MTUS2: variants seen among roughly 807,000 people sequenced by gnomAD.
The protein encoded by MTUS2 is microtubule associated scaffold protein 2, also known as microtubule-associated tumor suppressor candidate 2.
Under a neutral mutation model 114.1 loss-of-function variants are expected in MTUS2, and 40 were observed. That is an observed-to-expected ratio of 0.35 (90% CI 0.27 to 0.46). MTUS2 has a LOEUF of 0.46. Among genes scored for constraint, MTUS2 ranks in the 20% least tolerant of loss-of-function variants. The pLI, the probability that MTUS2 is intolerant of heterozygous loss-of-function variation, is 1.00. For missense variants in MTUS2, 1,679 were observed against 1,705.4 expected (o/e 0.98, Z 0.27); for synonymous variants, 688 against 672.0 (o/e 1.02, Z -0.37).
chr13:29,193,072 A>G (rs1264456502), intron 5 of MTUS2, among the ~76,000 whole-genome samples: 1 of 152,222 alleles, frequency 6.6e-6, no homozygotes, highest in Non-Finnish European at 1.5e-5. Flanking sequence ...TAGGTCAATG[A>G]GCAGAATGTT....
At chr13:29,097,345 T>A (rs1593472679) in intron 4 of MTUS2, among the ~76,000 whole-genome samples, 1 of 152,360 alleles carries the variant, frequency 6.6e-6, no homozygotes, top group East Asian at 1.9e-4. Context: ...GTTATGTTTG[T>A]TTCACTGGGA....
At chr13:29,119,123 C>G (rs1041917593) in intron 5 of MTUS2, among the ~76,000 whole-genome samples, 1 of 152,012 alleles carries the variant, frequency 6.6e-6, no homozygotes, top group Non-Finnish European at 1.5e-5. Flanking sequence ...AATTGCAGAG[C>G]TATATATCTA....
chr13:29,189,616 C>T (rs530252110), intron 5 of MTUS2, among the ~76,000 whole-genome samples: 1 of 151,620 alleles, frequency 6.6e-6, no homozygotes, highest in East Asian at 1.9e-4. Flanking sequence ...CTTGACTAAT[C>T]TCTTGCTCTT....
chr13:28,897,812 A>G (rs554804784), intron 2 of MTUS2, among the ~76,000 whole-genome samples: 6 of 151,264 alleles, frequency 4.0e-5, no homozygotes, highest in Non-Finnish European at 8.8e-5. Flanking sequence ...ACAAAAAACC[A>G]AACACCGCAT....
At chr13:28,952,367 A>G (rs1191314053) in intron 2 of MTUS2, among the ~76,000 whole-genome samples, 5 of 152,210 alleles carry the variant, frequency 3.3e-5, no homozygotes, top group African/African-American at 1.2e-4. Flanking sequence ...ACAGAATAAT[A>G]TTTTTACTCA....
intron 4 of MTUS2, among the ~76,000 whole-genome samples, chr13:29,087,381 C>G (rs1158225672): frequency 2.0e-5 from 3 of 152,130 alleles, no homozygotes; most frequent in East Asian, 1.9e-4. Flanking sequence ...AGTGTTAGTT[C>G]TGTTTATGTG....
chr13:28,983,382 A>C (rs891913419), intron 2 of MTUS2, among the ~76,000 whole-genome samples: 4 of 152,218 alleles, frequency 2.6e-5, no homozygotes, highest in Admixed American at 2.6e-4. Context: ...GTGCACTTCC[A>C]ATGTGGCTCA....
At chr13:29,273,108 C>T (rs1897937959) in intron 5 of MTUS2, among the ~76,000 whole-genome samples, 1 of 152,202 alleles carries the variant, frequency 6.6e-6, no homozygotes, top group Admixed American at 6.5e-5. Context: ...AATACTATCA[C>T]ATTGGCAACA....
chr13:29,001,374 G>T (rs1885375728), intron 2 of MTUS2, among the ~76,000 whole-genome samples: 1 of 152,196 alleles, frequency 6.6e-6, no homozygotes, highest in African/African-American at 2.4e-5. Flanking sequence ...GGGAGAAGTA[G>T]TCAGATGCTG....
At chr13:28,875,266 T>C (rs888834034) in intron 2 of MTUS2, among the ~76,000 whole-genome samples, 16 of 152,062 alleles carry the variant, frequency 1.1e-4, no homozygotes, top group Admixed American at 9.2e-4. Context: ...TACTGTTGGT[T>C]CTTGATTAGA....
At chr13:29,443,342 TG>T (rs1878036936) in intron 9 of MTUS2, among the ~76,000 whole-genome samples, 1 of 152,196 alleles carries the variant, frequency 6.6e-6, no homozygotes, top group Admixed American at 6.5e-5. Context: ...CTGATGCAAT[TG>T]GGTTGGGTGC....
At chr13:29,452,574 ATGTG>A (rs56367128) in intron 9 of MTUS2, among the ~76,000 whole-genome samples, 45,017 of 129,198 alleles carry the variant, frequency 0.35, 8,345 homozygotes, top group Admixed American at 0.45. Flanking sequence ...ATATATATAT[ATGTG>A]TGTGTGTGTG....
intron 1 of MTUS2, among the ~76,000 whole-genome samples, chr13:28,838,719 A>G (rs901831050): frequency 3.4e-4 from 51 of 152,158 alleles, no homozygotes; most frequent in African/African-American, 1.0e-3. Context: ...TGTCATATCT[A>G]TGCTCTTGGA....
chr13:28,999,775 G>T (rs1402266643), intron 2 of MTUS2, among the ~76,000 whole-genome samples: 4 of 152,040 alleles, frequency 2.6e-5, no homozygotes, highest in African/African-American at 9.7e-5. Flanking sequence ...ATCCTCTTCT[G>T]CCCCATCCCC....
At chr13:28,991,263 T>C (rs1021473609) in intron 2 of MTUS2, among the ~76,000 whole-genome samples, 1 of 152,066 alleles carries the variant, frequency 6.6e-6, no homozygotes, top group East Asian at 1.9e-4. Context: ...CATCACAGAG[T>C]CAAATGTGTG....
intron 5 of MTUS2, among the ~76,000 whole-genome samples, chr13:29,229,808 G>T (rs1282024156): frequency 6.6e-6 from 1 of 152,132 alleles, no homozygotes; most frequent in Non-Finnish European, 1.5e-5. Context: ...TCCTTATTTA[G>T]ATTAAACTTA....
In MTUS2 at chr13:29,481,278, G is replaced by C. The variant is rs561793890; in HGVS notation, c.3399+914G>C. ...TCAGTATGAAAGCTAGAAGGAGGCA[G>C]GTGCTGCCACCCCCACGGCAGCTAT... is the stretch of plus-strand genomic sequence containing the variant. On this transcript the variant is annotated intron_variant, in intron 10 of 15. Transcript: ENST00000612955. 1.1e-4 allele frequency among the ~76,000 whole-genome samples: 16 copies of C among 152,316 alleles called. No individual in the cohort carries two copies. In the South Asian group the frequency reaches 3.3e-3, roughly 32 times the overall value.
intron 2 of MTUS2, among the ~76,000 whole-genome samples, chr13:28,947,381 A>G (rs1411763646): frequency 6.6e-6 from 1 of 152,214 alleles, no homozygotes; most frequent in Non-Finnish European, 1.5e-5. Context: ...TTTACTTTAG[A>G]AAAGAATAAT....
chr13:29,030,701 G>C (rs1166793134), intron 3 of MTUS2, among the ~76,000 whole-genome samples: 1 of 152,110 alleles, frequency 6.6e-6, no homozygotes, highest in African/African-American at 2.4e-5. Context: ...TGTTGCAATG[G>C]AAGTATTTTT....
Sources: gnomAD v4.1 joint callset for allele counts (sites outside exome capture counted in the v4.1 genomes callset) on GRCh38, gnomAD v4.1.1 for gene constraint, MANE v1.5 for transcripts, NCBI Gene and HGNC (gene_info 2026-07-23, HGNC 2026-07-21) for gene names.